WDR70: variants seen among roughly 807,000 people sequenced by gnomAD.
WDR70 encodes WD repeat domain 70, also known as WD repeat-containing protein 70.
WDR70 carries 53 observed loss-of-function variants against 88.6 expected under a neutral mutation model. The ratio of observed to expected loss-of-function variants is 0.60; its 90% CI spans 0.48 to 0.75. The LOEUF (loss-of-function observed/expected upper bound fraction) is 0.75. WDR70 is among the 30% of genes least tolerant of loss of function. The pLI is 0.00. For missense variants in WDR70, 610 were observed against 823.2 expected, an observed-to-expected ratio of 0.74 and a Z score of 3.17; for synonymous variants, 280 against 270.0, an observed-to-expected ratio of 1.04 and a Z score of -0.36.
chr5:37,486,277 A>G (rs1291950335), intron 8 of WDR70, among the ~76,000 whole-genome samples: 1 of 151,992 alleles, frequency 6.6e-6, no homozygotes, highest in Non-Finnish European at 1.5e-5. Context: ...AAGGATCACA[A>G]TCTCATGTCC....
At chr5:37,724,875 TG>T (rs1412334962) in intron 15 of WDR70, 58 bp from the exon 16 acceptor site, 105 of 1,423,350 alleles carry the variant, frequency 7.4e-5, no homozygotes, top group Middle Eastern at 1.8e-4. Context: ...GCTTTAACTA[TG>T]TTTTTGGATG....
chr5:37,526,317 G>A (rs1379302143), intron 9 of WDR70, among the ~76,000 whole-genome samples: 2 of 152,126 alleles, frequency 1.3e-5, no homozygotes, highest in Non-Finnish European at 2.9e-5. Flanking sequence ...AGGGATGCAA[G>A]GCTGGTTCAA....
chr5:37,532,143 G>A (rs1040180088), intron 9 of WDR70, among the ~76,000 whole-genome samples: 6 of 152,242 alleles, frequency 3.9e-5, no homozygotes, highest in African/African-American at 1.4e-4. Context: ...AATCCAACAG[G>A]TTTTCCTTTA....
At chr5:37,519,645 G>C (rs1741022263) in intron 9 of WDR70, among the ~76,000 whole-genome samples, 1 of 137,434 alleles carries the variant, frequency 7.3e-6, no homozygotes, top group South Asian at 2.4e-4. Context: ...CCTCCCAGAC[G>C]GGGCGGCCGG....
At chr5:37,705,567 G>T (rs1203947035) in intron 13 of WDR70, among the ~76,000 whole-genome samples, 2 of 151,850 alleles carry the variant, frequency 1.3e-5, no homozygotes, top group African/African-American at 2.4e-5. Context: ...ATATTAGAAT[G>T]CTATGTTAAA....
chr5:37,726,766 G>A, intron 16 of WDR70, 117 bp from the exon 17 acceptor site: 2 of 1,058,250 alleles, frequency 1.9e-6, no homozygotes, highest in East Asian at 3.0e-5. Context: ...TAAGCTGAAA[G>A]GATGAAATTT....
intron 8 of WDR70, among the ~76,000 whole-genome samples, chr5:37,481,692 G>T (rs146634887): frequency 0.015 from 2,336 of 152,274 alleles, 53 homozygotes; most frequent in African/African-American, 0.053. Context: ...TTGCCCCATT[G>T]TCTTGGTGAT....
intron 10 of WDR70, among the ~76,000 whole-genome samples, chr5:37,684,749 G>T (rs76069018): frequency 0.067 from 10,235 of 152,312 alleles, 378 homozygotes; most frequent in South Asian, 0.12. Context: ...GCATTTTGTA[G>T]GGTGGTGGCA....
rs1384499915 is a variant in WDR70 at position 37,650,002 on chromosome 5, G to A, written c.1092+44764G>A. ...TCCACCCGCCTCTGCCTCCCAAAGT[G>A]CTGGGATTACAGGCGTGAGCCACTG... On this transcript the variant is annotated intron_variant, in intron 10 of 17. Coordinates refer to ENST00000265107, the MANE Select transcript of WDR70 (RefSeq NM_018034.4). 1.3e-4 allele frequency among the ~76,000 whole-genome samples: 7 copies of A among 52,768 alleles called. No homozygotes were observed. The Admixed American group carries it at 1.5e-3, about 11-fold the overall frequency. The allele number at this position is 52,768 out of a possible 152,430, so 34.6% of individuals were successfully genotyped here.
intron 10 of WDR70, among the ~76,000 whole-genome samples, chr5:37,641,412 T>G (rs1378254605): frequency 1.5e-4 from 1 of 6,738 alleles, no homozygotes; most frequent in African/African-American, 3.7e-4. Flanking sequence ...GTCCACATCC[T>G]TTTTTTTTTT....
chr5:37,643,812 A>G (rs1745164477), intron 10 of WDR70, among the ~76,000 whole-genome samples: 1 of 151,994 alleles, frequency 6.6e-6, no homozygotes, highest in Middle Eastern at 3.2e-3. Flanking sequence ...TAGTAATGCT[A>G]CTGACTTTTG....
chr5:37,436,489 A>T (rs1750470573), intron 5 of WDR70, among the ~76,000 whole-genome samples: 1 of 152,162 alleles, frequency 6.6e-6, no homozygotes, highest in African/African-American at 2.4e-5. Flanking sequence ...GGAGATAAAT[A>T]GTTACCATGC....
At position 37,621,212 on chromosome 5, in the gene WDR70, G is replaced by A. The variant is rs191621240; in HGVS notation, c.1092+15974G>A. Among the ~76,000 whole-genome samples the A allele has an allele frequency of 1.3e-4, 20 of 152,020 alleles. No individual in the cohort carries two copies. The East Asian group carries it at 3.9e-3, about 29-fold the overall frequency. ...TCTGTTTCCCAAAATTCACTTATTT[G>A]CATACTACTTTTATAATTCTTGTCA... On this transcript the variant is annotated intron_variant, in intron 10 of 17. Coordinates refer to ENST00000265107, the MANE Select transcript of WDR70 (RefSeq NM_018034.4).
At chr5:37,542,563 G>T (rs1741859803) in intron 9 of WDR70, among the ~76,000 whole-genome samples, 1 of 152,080 alleles carries the variant, frequency 6.6e-6, no homozygotes. Flanking sequence ...TTCCAGGTGT[G>T]AGCCAATGTG....
At chr5:37,491,095 A>G (rs939879073) in intron 8 of WDR70, among the ~76,000 whole-genome samples, 5 of 152,078 alleles carry the variant, frequency 3.3e-5, no homozygotes, top group African/African-American at 7.2e-5. Flanking sequence ...GTCAGGGTTA[A>G]GGGACTGTGC....
intron 7 of WDR70, among the ~76,000 whole-genome samples, chr5:37,477,167 A>G (rs1358479392): frequency 6.6e-6 from 1 of 152,246 alleles, no homozygotes; most frequent in African/African-American, 2.4e-5. Flanking sequence ...GTTATTCTTC[A>G]TGCCATACTC....
At chr5:37,539,591 G>A (rs896550225) in intron 9 of WDR70, among the ~76,000 whole-genome samples, 1 of 152,188 alleles carries the variant, frequency 6.6e-6, no homozygotes, top group African/African-American at 2.4e-5. Flanking sequence ...CTTTGTTGTG[G>A]CAGCCCTAGC....
chr5:37,568,415 A>G (rs535960679), intron 9 of WDR70, among the ~76,000 whole-genome samples: 74 of 152,332 alleles, frequency 4.9e-4, no homozygotes, highest in African/African-American at 1.7e-3. Context: ...CAGTAATTCA[A>G]TGGATTGTCT....
At chr5:37,587,050 C>T (rs1356090938) in intron 9 of WDR70, among the ~76,000 whole-genome samples, 4 of 152,144 alleles carry the variant, frequency 2.6e-5, no homozygotes, top group African/African-American at 9.7e-5. Flanking sequence ...TTCCCTGTTC[C>T]ATTGCCTTAG....
Sources: allele counts gnomAD v4.1 joint callset (sites outside exome capture counted in the v4.1 genomes callset), GRCh38; gene constraint gnomAD v4.1.1; transcripts MANE v1.5; gene names NCBI Gene and HGNC (gene_info 2026-07-23, HGNC 2026-07-21).